The following CTXND1 variants were observed in gnomAD, a reference collection of about 807,000 sequenced individuals.
CTXND1 encodes cortexin domain containing 1, also known as cortexin domain-containing 1 protein.
intron 1 of CTXND1, among the ~76,000 whole-genome samples, chr15:80,245,058 C>T (rs1368649270): frequency 6.6e-6 from 1 of 152,166 alleles, no homozygotes; most frequent in Non-Finnish European, 1.5e-5. Context: ...AGGGTACCAG[C>T]CTCACAGAGT....
intron 1 of CTXND1, among the ~76,000 whole-genome samples, chr15:80,212,904 A>G (rs973348272): frequency 2.0e-5 from 3 of 152,370 alleles, no homozygotes; most frequent in East Asian, 1.9e-4. Context: ...CTGAGGGAAG[A>G]GCTGTGGCCA....
At chr15:80,231,008 A>C (rs1893422280) in intron 1 of CTXND1, among the ~76,000 whole-genome samples, 1 of 151,940 alleles carries the variant, frequency 6.6e-6, no homozygotes, top group Admixed American at 6.6e-5. Flanking sequence ...CAGTGAGCTG[A>C]GATGGTGCCA....
intron 1 of CTXND1, among the ~76,000 whole-genome samples, chr15:80,209,174 C>G (rs1339204388): frequency 6.6e-6 from 1 of 152,186 alleles, no homozygotes; most frequent in Non-Finnish European, 1.5e-5. Flanking sequence ...CTGGATCCTT[C>G]TGGGTGGGGT....
intron 1 of CTXND1, among the ~76,000 whole-genome samples, chr15:80,207,750 A>T (rs1344938922): frequency 6.6e-6 from 1 of 152,228 alleles, no homozygotes; most frequent in Non-Finnish European, 1.5e-5. Flanking sequence ...TAAGGGGCTA[A>T]GCCCACTTCA....
intron 1 of CTXND1, among the ~76,000 whole-genome samples, chr15:80,222,280 C>A (rs1204219598): frequency 6.6e-6 from 1 of 152,042 alleles, no homozygotes; most frequent in Non-Finnish European, 1.5e-5. Context: ...TACCAATCAT[C>A]CAGATGATCA....
At chr15:80,221,054 A>T (rs545378428) in intron 1 of CTXND1, among the ~76,000 whole-genome samples, 2 of 151,646 alleles carry the variant, frequency 1.3e-5, no homozygotes, top group East Asian at 3.9e-4. Flanking sequence ...GACTACAGGC[A>T]CCCGCCACCA....
chr15:80,206,226 A>G (rs1229554865), intron 1 of CTXND1, among the ~76,000 whole-genome samples: 1 of 152,250 alleles, frequency 6.6e-6, no homozygotes, highest in African/African-American at 2.4e-5. Flanking sequence ...CTAGAATTCA[A>G]TATTTGTTTA....
At chr15:80,247,646 C>G (rs552182902) in intron 1 of CTXND1, among the ~76,000 whole-genome samples, 1 of 152,196 alleles carries the variant, frequency 6.6e-6, no homozygotes, top group South Asian at 2.1e-4. Flanking sequence ...AACTGCTGAA[C>G]AAGAAGACAA....
At chr15:80,209,806 A>T (rs1893186068) in intron 1 of CTXND1, among the ~76,000 whole-genome samples, 1 of 152,226 alleles carries the variant, frequency 6.6e-6, no homozygotes, top group South Asian at 2.1e-4. Context: ...TGAGGTGCTC[A>T]GGGAAGGCGC....
intron 1 of CTXND1, among the ~76,000 whole-genome samples, chr15:80,243,649 T>C (rs2141465186): frequency 1.3e-5 from 2 of 152,290 alleles, no homozygotes; most frequent in South Asian, 4.1e-4. Flanking sequence ...TGCAAAGCCA[T>C]CTTTCTCCTT....
intron 1 of CTXND1, 91 bp downstream of exon 1, chr15:80,251,916 C>G (rs1244638472): frequency 6.6e-6 from 1 of 151,958 alleles, no homozygotes; most frequent in Non-Finnish European, 1.5e-5. Flanking sequence ...GGCCGGTGAC[C>G]CGCGCGACGC....
chr15:80,240,115 A>G (rs1297405597), intron 1 of CTXND1, among the ~76,000 whole-genome samples: 1 of 152,036 alleles, frequency 6.6e-6, no homozygotes, highest in Non-Finnish European at 1.5e-5. Flanking sequence ...ACGGACATGC[A>G]CCAACACGCT....
intron 1 of CTXND1, among the ~76,000 whole-genome samples, chr15:80,221,955 G>A (rs1893323872): frequency 6.6e-6 from 1 of 152,088 alleles, no homozygotes. Flanking sequence ...TCATTGCACC[G>A]TGGTCAGAGA....
At chr15:80,204,835 A>G (rs1311665478) in intron 1 of CTXND1, among the ~76,000 whole-genome samples, 1 of 152,078 alleles carries the variant, frequency 6.6e-6, no homozygotes, top group South Asian at 2.1e-4. Flanking sequence ...TTGCTGGATC[A>G]TATGGTAATC....
intron 1 of CTXND1, among the ~76,000 whole-genome samples, chr15:80,209,984 A>C (rs1893188781): frequency 6.6e-6 from 1 of 152,256 alleles, no homozygotes; most frequent in Non-Finnish European, 1.5e-5. Context: ...ACATGTAACT[A>C]TTAATCTAAA....
At chr15:80,216,600 T>C (rs1051149218) in intron 1 of CTXND1, among the ~76,000 whole-genome samples, 3 of 134,664 alleles carry the variant, frequency 2.2e-5, no homozygotes, top group Non-Finnish European at 5.0e-5. Flanking sequence ...GTCCCTTCCA[T>C]TATTTTATTT....
intron 1 of CTXND1, among the ~76,000 whole-genome samples, chr15:80,243,178 G>C (rs1290969104): frequency 6.6e-6 from 1 of 152,126 alleles, no homozygotes; most frequent in Non-Finnish European, 1.5e-5. Flanking sequence ...GCCCAGCTTT[G>C]GGAGTCTCAG....
At chr15:80,242,683 C>T (rs2141464720) in intron 1 of CTXND1, among the ~76,000 whole-genome samples, 1 of 152,270 alleles carries the variant, frequency 6.6e-6, no homozygotes, top group East Asian at 1.9e-4. Context: ...AAAAAGTTGG[C>T]CCTTGGAGAA....
In CTXND1 at chr15:80,198,337, A is replaced by G. The variant is rs1337133032; in HGVS notation, c.*3433T>C. The G allele has an allele frequency of 6.6e-6, 1 of 152,244 alleles. No homozygotes were observed. Among genetic ancestry groups the G allele is most frequent in the Non-Finnish European group, 1.5e-5 (1 of 68,078 alleles). 9.4% of individuals were successfully genotyped at this position (152,244 alleles called of 1,614,324 possible). A position where few individuals can be genotyped will look rare whatever the true frequency, so the allele number is the denominator to read the frequency against. ...CCACCACCCATTCTCTGCTTTGGAGAGTTCCTCTCCAGCCTGTGTTCTCCT... is the reference window on the plus strand; with the variant it reads ...CCACCACCCATTCTCTGCTTTGGAGGGTTCCTCTCCAGCCTGTGTTCTCCT... On this transcript the variant is annotated 3_prime_UTR_variant, in exon 3 of 3. Transcript: ENST00000560778.
Sources: allele counts gnomAD v4.1 joint callset (sites outside exome capture counted in the v4.1 genomes callset), GRCh38; gene constraint gnomAD v4.1.1; transcripts MANE v1.5; gene names NCBI Gene and HGNC (gene_info 2026-07-23, HGNC 2026-07-21).